PARN: variants seen among roughly 807,000 people sequenced by gnomAD.
PARN encodes the protein poly(A)-specific ribonuclease.
Under a neutral mutation model 102.8 loss-of-function variants are expected in PARN, and 71 were observed. The observed-to-expected ratio is 0.69, with a 90% CI of 0.57 to 0.84. PARN has a LOEUF of 0.84. PARN is among the 40% of genes least tolerant of loss of function. PARN has a pLI of 0.00. For missense variants in PARN, 782 were observed against 760.9 expected (o/e 1.03, Z -0.33); for synonymous variants, 261 against 252.9 (o/e 1.03, Z -0.30).
At chr16:14,579,893 T>C (rs1033669354) in intron 18 of PARN, among the ~76,000 whole-genome samples, 3 of 151,938 alleles carry the variant, frequency 2.0e-5, no homozygotes, top group African/African-American at 7.3e-5. Context: ...GGAGGACTGC[T>C]TGAACCCAGG....
At chr16:14,590,549 C>A (rs1254052994) in intron 13 of PARN, among the ~76,000 whole-genome samples, 3 of 149,892 alleles carry the variant, frequency 2.0e-5, no homozygotes, top group Non-Finnish European at 3.0e-5. Context: ...GAAGGAGAGT[C>A]GCTTGAACCC....
chr16:14,523,095 T>C (rs945736193), intron 21 of PARN, among the ~76,000 whole-genome samples: 5 of 151,826 alleles, frequency 3.3e-5, no homozygotes, highest in South Asian at 2.1e-4. Context: ...AAGGAAAACC[T>C]TGACATAAAG....
Position 14,629,641 on chromosome 16 carries a change from G to A in PARN, c.53C>T (p.Ala18Val). Residue 18 changes from alanine to valine, a missense_variant, in exon 2 of 24, where the codon GCC becomes GTC. By Grantham distance (64) the Ala-to-Val change is moderately conservative. Coordinates refer to ENST00000437198, the MANE Select transcript of PARN (RefSeq NM_002582.4). Reference sequence around the variant, plus strand: ...GGCGAAGAAGTCGGCCTCCTCTATGGCCTGGTACACTTTGTGAAGATTACT... The same window carrying A: ...GGCGAAGAAGTCGGCCTCCTCTATGACCTGGTACACTTTGTGAAGATTACT... ...FKSNLHKVYQ[A>V]IEEADFFAID... 1 of 1,613,326 alleles carries A rather than the reference G, an allele frequency of 6.2e-7. No individual in the cohort carries two copies. Among genetic ancestry groups the A allele is most frequent in the Non-Finnish European group, 8.5e-7 (1 of 1,179,242 alleles).
At chr16:14,499,088 C>T (rs1302760099) in intron 21 of PARN, among the ~76,000 whole-genome samples, 1 of 152,244 alleles carries the variant, frequency 6.6e-6, no homozygotes, top group Non-Finnish European at 1.5e-5. Flanking sequence ...ATGACCACAT[C>T]ACTTCCTTGT....
At chr16:14,486,869 C>T (rs1170170738) in intron 21 of PARN, among the ~76,000 whole-genome samples, 1 of 152,232 alleles carries the variant, frequency 6.6e-6, no homozygotes, top group Non-Finnish European at 1.5e-5. Flanking sequence ...CCAAATTTGT[C>T]AGGGAAATGA....
chr16:14,467,036 C>T (rs1024639984), intron 22 of PARN, among the ~76,000 whole-genome samples: 3 of 152,142 alleles, frequency 2.0e-5, no homozygotes, highest in Non-Finnish European at 4.4e-5. Context: ...TTGTGCACCC[C>T]GCTTTTCCTG....
intron 18 of PARN, among the ~76,000 whole-genome samples, chr16:14,557,990 A>T (rs1967805343): frequency 6.6e-6 from 1 of 152,124 alleles, no homozygotes; most frequent in Non-Finnish European, 1.5e-5. Context: ...TTCCTAGGTT[A>T]GTGAGCTAGT....
chr16:14,465,088 T>C (rs1014195275), intron 22 of PARN, among the ~76,000 whole-genome samples: 9 of 152,180 alleles, frequency 5.9e-5, no homozygotes, highest in African/African-American at 1.7e-4. Context: ...TTAAATGAGA[T>C]AGGATCTTGC....
chr16:14,603,637 G>A (rs553392854), intron 11 of PARN, among the ~76,000 whole-genome samples: 23 of 151,994 alleles, frequency 1.5e-4, no homozygotes, highest in Admixed American at 5.2e-4. Flanking sequence ...ACTATCCTAC[G>A]CCAGGTCACC....
intron 19 of PARN, 40 bp from the exon 20 acceptor site, chr16:14,554,191 A>G: frequency 7.4e-7 from 1 of 1,357,282 alleles, no homozygotes; most frequent in Non-Finnish European, 1.0e-6. Flanking sequence ...ATGGGTGAAA[A>G]GTGATCAAGT....
intron 22 of PARN, among the ~76,000 whole-genome samples, chr16:14,451,959 G>A (rs1961483596): frequency 6.7e-6 from 1 of 149,348 alleles, no homozygotes; most frequent in Admixed American, 6.7e-5. Flanking sequence ...GGCTGAGGTG[G>A]GAGGATTGCT....
At chr16:14,519,910 T>C (rs1421735383) in intron 21 of PARN, among the ~76,000 whole-genome samples, 35 of 152,134 alleles carry the variant, frequency 2.3e-4, no homozygotes, top group Admixed American at 2.3e-3. Context: ...AATGAAATAA[T>C]GGATCTAGGT....
chr16:14,466,883 A>G (rs1462747317), intron 22 of PARN, among the ~76,000 whole-genome samples: 1 of 152,114 alleles, frequency 6.6e-6, no homozygotes, highest in African/African-American at 2.4e-5. Flanking sequence ...AAACCCACTA[A>G]CACTAATTTG....
chr16:14,470,300 C>T (rs1962642246), intron 22 of PARN, among the ~76,000 whole-genome samples: 1 of 151,942 alleles, frequency 6.6e-6, no homozygotes, highest in African/African-American at 2.4e-5. Context: ...AATGGAAATA[C>T]TGAATTTTAT....
At chr16:14,623,574 C>G (rs777535223) in intron 5 of PARN, among the ~76,000 whole-genome samples, 1 of 151,150 alleles carries the variant, frequency 6.6e-6, no homozygotes, top group Non-Finnish European at 1.5e-5. Context: ...CGATGGCTCA[C>G]GTCTATAATC....
At chr16:14,486,887 C>A (rs1200570672) in intron 21 of PARN, among the ~76,000 whole-genome samples, 1 of 152,244 alleles carries the variant, frequency 6.6e-6, no homozygotes, top group African/African-American at 2.4e-5. Flanking sequence ...TGATTCAAGG[C>A]AATCTATCGG....
Position 14,577,419 on chromosome 16 carries a change from C to T in PARN, c.1262+3455G>A, listed in dbSNP as rs546964557. On this transcript the variant is annotated intron_variant, in intron 18 of 23. Transcript: ENST00000437198. ...TTCCTTCTTTTTTCTTTTTGGTCTCCTCTTCCCAGACTCAAGTGATCCTCC... is the reference window on the plus strand; with the variant it reads ...TTCCTTCTTTTTTCTTTTTGGTCTCTTCTTCCCAGACTCAAGTGATCCTCC... Among the ~76,000 whole-genome samples the T allele has an allele frequency of 5.1e-4, 77 of 152,166 alleles. 2 individuals are homozygous for T. Among genetic ancestry groups the T allele is most frequent in the African/African-American group, 1.8e-3 (75 of 41,508 alleles).
At chr16:14,585,891 T>A (rs1969821938) in intron 14 of PARN, among the ~76,000 whole-genome samples, 1 of 152,054 alleles carries the variant, frequency 6.6e-6, no homozygotes, top group Non-Finnish European at 1.5e-5. Context: ...ATTGGAGACA[T>A]TAAATAAGTT....
rs1312554705 is a variant in PARN at position 14,608,295 on chromosome 16, C to A, written c.645G>T (p.Gln215His). The change falls in exon 9 of 24, where the codon CAG becomes CAT. Residue 215 changes from glutamine (Q) to histidine (H), a missense_variant. Physicochemically the swap from Gln to His is conservative, Grantham distance 24. Coordinates refer to ENST00000437198, the MANE Select transcript of PARN (RefSeq NM_002582.4). ...CTGFQRKLIY[Q>H]TLSWKYPKGI... ...TAAATACTTACTTCCAGCTCAAAGT[C>A]TGATAAATTAGTTTTCTTTGGAACC... The A allele has an allele frequency of 6.5e-7, 1 of 1,541,722 alleles. No homozygotes were observed. Among genetic ancestry groups the A allele is most frequent in the Non-Finnish European group, 8.8e-7 (1 of 1,139,928 alleles).
Sources: gnomAD v4.1 joint callset for allele counts (sites outside exome capture counted in the v4.1 genomes callset) on GRCh38, gnomAD v4.1.1 for gene constraint, MANE v1.5 for transcripts, NCBI Gene and HGNC (gene_info 2026-07-23, HGNC 2026-07-21) for gene names.